Variants in MMP26 observed in about 807,000 individuals in gnomAD.
MMP26 encodes the protein matrix metalloproteinase-26.
A neutral mutation model predicts 31.0 loss-of-function variants in MMP26; 33 were observed. The observed-to-expected ratio is 1.06, with a 90% CI of 0.81 to 1.42. The LOEUF (loss-of-function observed/expected upper bound fraction) is 1.42. Ranked by LOEUF, MMP26 falls within the 40% of genes most tolerant of loss-of-function variation. The pLI is 0.00. For synonymous variants in MMP26, 122 were observed against 114.9 expected, an observed-to-expected ratio of 1.06 and a Z score of -0.40; for missense variants, 347 against 316.1, an observed-to-expected ratio of 1.10 and a Z score of -0.74.
chr11:4,865,553 C>A (rs1415663445), intron 2 of MMP26, among the ~76,000 whole-genome samples: 1 of 151,994 alleles, frequency 6.6e-6, no homozygotes, highest in Non-Finnish European at 1.5e-5. Context: ...GGGAAAAATA[C>A]CACTCTCCCA....
At chr11:4,841,536 G>A (rs1271046743) in intron 2 of MMP26, among the ~76,000 whole-genome samples, 1 of 152,104 alleles carries the variant, frequency 6.6e-6, no homozygotes, top group African/African-American at 2.4e-5. Flanking sequence ...TTTTACCCAA[G>A]AATAATATAT....
intron 1 of MMP26, among the ~76,000 whole-genome samples, chr11:4,729,382 C>T (rs895941615): frequency 1.3e-5 from 2 of 152,080 alleles, no homozygotes; most frequent in Non-Finnish European, 2.9e-5. Flanking sequence ...TATTGGAGCT[C>T]AGGAGCTGTG....
chr11:4,712,892 A>G (rs1240262085), intron 1 of MMP26, among the ~76,000 whole-genome samples: 1 of 151,738 alleles, frequency 6.6e-6, no homozygotes, highest in Non-Finnish European at 1.5e-5. Context: ...ATCCAATACT[A>G]TGGTCTATAC....
intron 2 of MMP26, among the ~76,000 whole-genome samples, chr11:4,974,153 A>G (rs1052193713): frequency 2.6e-5 from 4 of 152,118 alleles, no homozygotes; most frequent in South Asian, 2.1e-4. Flanking sequence ...CAAGTCCTAT[A>G]CAAGGACTAC....
chr11:4,866,356 T>A (rs193239209), intron 2 of MMP26, among the ~76,000 whole-genome samples: 5 of 152,248 alleles, frequency 3.3e-5, no homozygotes, highest in Admixed American at 2.0e-4. Flanking sequence ...TTAAAAGCAA[T>A]TAAGAATCTA....
rs186216269 is a variant in MMP26, at chr11:4,839,814, A to G, written c.-145+72473A>G. On this transcript the variant is annotated intron_variant, in intron 2 of 7. Coordinates refer to ENST00000380390, the MANE Select transcript of MMP26 (RefSeq NM_021801.5). ...TCCTTCTGCTTGAGGGAAGAGTAAGAGGACTTTCTCTTGCACCGTAGGTAC... is the reference window on the plus strand; with the variant it reads ...TCCTTCTGCTTGAGGGAAGAGTAAGGGGACTTTCTCTTGCACCGTAGGTAC... Among the ~76,000 whole-genome samples, 606 of 151,810 alleles carry G rather than the reference A, an allele frequency of 4.0e-3. 2 individuals are homozygous for G. The highest frequency in any genetic ancestry group is 0.024 in the Middle Eastern group (7 of 294).
At chr11:4,857,374 TA>T (rs1406443293) in intron 2 of MMP26, among the ~76,000 whole-genome samples, 1 of 151,468 alleles carries the variant, frequency 6.6e-6, no homozygotes, top group South Asian at 2.1e-4. Context: ...ATAGACACAA[TA>T]AAAATGATAA....
intron 2 of MMP26, among the ~76,000 whole-genome samples, chr11:4,841,909 G>C (rs569347102): frequency 6.6e-6 from 1 of 152,246 alleles, no homozygotes; most frequent in South Asian, 2.1e-4. Flanking sequence ...CTGCAGCCTG[G>C]GCAACAAGAG....
chr11:4,851,531 C>T (rs961933790), intron 2 of MMP26, among the ~76,000 whole-genome samples: 34 of 152,046 alleles, frequency 2.2e-4, no homozygotes, highest in African/African-American at 7.7e-4. Flanking sequence ...ACTCTATACA[C>T]GTTTTAGTTA....
intron 2 of MMP26, among the ~76,000 whole-genome samples, chr11:4,813,015 G>GTATATA (rs36076505): frequency 1.1e-3 from 166 of 147,712 alleles, no homozygotes; most frequent in African/African-American, 4.0e-3. Context: ...GTGTGTGTAT[G>GTATATA]TATATATATA....
At chr11:4,727,639 G>A (rs754526942) in intron 1 of MMP26, among the ~76,000 whole-genome samples, 7 of 151,968 alleles carry the variant, frequency 4.6e-5, no homozygotes, top group South Asian at 4.2e-4. Context: ...GTGAAAATCC[G>A]TCTCTAATAA....
intron 2 of MMP26, among the ~76,000 whole-genome samples, chr11:4,981,718 C>T (rs1004809382): frequency 1.3e-5 from 2 of 151,982 alleles, no homozygotes; most frequent in African/African-American, 4.8e-5. Flanking sequence ...ACTTTTGAAT[C>T]TTTTGTAACA....
intron 2 of MMP26, among the ~76,000 whole-genome samples, chr11:4,957,252 A>AT (rs1291489998): frequency 2.0e-5 from 3 of 152,184 alleles, no homozygotes; most frequent in South Asian, 2.1e-4. Flanking sequence ...CATAAAAGCA[A>AT]TTTTTTTGAA....
chr11:4,815,963 A>G (rs747399708), intron 2 of MMP26, among the ~76,000 whole-genome samples: 8 of 152,214 alleles, frequency 5.3e-5, no homozygotes, highest in Non-Finnish European at 7.3e-5. Flanking sequence ...TTATCAACAA[A>G]TAACTATAAT....
chr11:4,795,097 T>C (rs1489738840), intron 2 of MMP26: 1 of 152,214 alleles, frequency 6.6e-6, no homozygotes, highest in East Asian at 1.9e-4. Context: ...TCTTAGGTTA[T>C]GTGTAAGACC....
chr11:4,739,930 G>T (rs1282163054), intron 1 of MMP26, among the ~76,000 whole-genome samples: 2 of 152,096 alleles, frequency 1.3e-5, no homozygotes, highest in African/African-American at 4.8e-5. Flanking sequence ...AGTTAAAAAT[G>T]TCACAACAAT....
At chr11:4,761,504 T>C (rs1182832940) in intron 1 of MMP26, among the ~76,000 whole-genome samples, 2 of 152,192 alleles carry the variant, frequency 1.3e-5, no homozygotes, top group Admixed American at 6.5e-5. Flanking sequence ...ACCATTCTGT[T>C]ACACTGCACT....
chr11:4,722,580 T>C (rs1019444898), intron 1 of MMP26, among the ~76,000 whole-genome samples: 1 of 145,478 alleles, frequency 6.9e-6, no homozygotes, highest in Non-Finnish European at 1.5e-5. Flanking sequence ...GCAAGGGGTG[T>C]CCTCAGGCAC....
intron 2 of MMP26, among the ~76,000 whole-genome samples, chr11:4,977,761 T>C (rs1270289153): frequency 6.6e-6 from 1 of 152,092 alleles, no homozygotes. Context: ...ACTGCAGCTG[T>C]CTTGAGGCTC....
Sources: allele counts gnomAD v4.1 joint callset (sites outside exome capture counted in the v4.1 genomes callset), GRCh38; gene constraint gnomAD v4.1.1; transcripts MANE v1.5; gene names NCBI Gene and HGNC (gene_info 2026-07-23, HGNC 2026-07-21).